The following STXBP5L variants were observed in gnomAD, a reference collection of about 807,000 sequenced individuals.
STXBP5L encodes the protein syntaxin binding protein 5L, also known as syntaxin-binding protein 5-like.
Under a neutral mutation model 144.5 loss-of-function variants are expected in STXBP5L, and 65 were observed. That is an observed-to-expected ratio of 0.45 (90% CI 0.37 to 0.55). The LOEUF (loss-of-function observed/expected upper bound fraction) is 0.55. Ranked by LOEUF, STXBP5L falls within the 20% of genes least tolerant of loss-of-function variation. STXBP5L has a pLI of 0.00. For synonymous variants in STXBP5L, 505 were observed against 469.6 expected (o/e 1.08, Z -0.97); for missense variants, 1,298 against 1,405.5 (o/e 0.92, Z 1.22).
intron 7 of STXBP5L, among the ~76,000 whole-genome samples, chr3:121,131,960 C>T (rs913957713): frequency 1.3e-5 from 2 of 152,178 alleles, no homozygotes; most frequent in Non-Finnish European, 2.9e-5. Context: ...AAACCTTGCT[C>T]CTGGTGCAGT....
chr3:121,041,818 C>A, intron 4 of STXBP5L, 37 bp downstream of exon 4: 1 of 1,321,868 alleles, frequency 7.6e-7, no homozygotes, highest in East Asian at 2.3e-5. Flanking sequence ...ATCACACACT[C>A]CCCCACTACA....
intron 20 of STXBP5L, among the ~76,000 whole-genome samples, chr3:121,318,995 A>G (rs2043880607): frequency 6.6e-6 from 1 of 152,188 alleles, no homozygotes. Context: ...AGAATATGAT[A>G]TGAAGCAAAA....
intron 7 of STXBP5L, among the ~76,000 whole-genome samples, chr3:121,141,608 G>A (rs544651594): frequency 6.6e-6 from 1 of 152,112 alleles, no homozygotes; most frequent in Non-Finnish European, 1.5e-5. Flanking sequence ...ATAAGTAGAT[G>A]AAAATTGTGA....
intron 4 of STXBP5L, among the ~76,000 whole-genome samples, chr3:121,043,217 C>G (rs940617116): frequency 2.0e-5 from 3 of 152,090 alleles, no homozygotes; most frequent in African/African-American, 7.2e-5. Flanking sequence ...TCTGACCTGA[C>G]TGGTTTTTCT....
chr3:120,977,735 G>A (rs993062509), intron 3 of STXBP5L, among the ~76,000 whole-genome samples: 104 of 152,238 alleles, frequency 6.8e-4, no homozygotes, highest in Admixed American at 2.6e-3. Flanking sequence ...TTTAGGGCAG[G>A]CCTGGTGGTG....
chr3:121,212,434 C>T (rs2048612795), intron 10 of STXBP5L, among the ~76,000 whole-genome samples: 2 of 152,106 alleles, frequency 1.3e-5, no homozygotes, highest in African/African-American at 4.8e-5. Context: ...TTGCATATGG[C>T]TAACCAGTTT....
intron 7 of STXBP5L, among the ~76,000 whole-genome samples, chr3:121,131,324 G>A (rs1009799557): frequency 2.0e-5 from 3 of 152,100 alleles, no homozygotes; most frequent in African/African-American, 7.2e-5. Context: ...TATTAACAGT[G>A]ATACCAATGG....
chr3:121,099,835 A>C (rs768554665), intron 5 of STXBP5L: 3 of 152,188 alleles, frequency 2.0e-5, no homozygotes, highest in African/African-American at 4.8e-5. Context: ...AGCAAGACTC[A>C]TCTCTCTGCT....
intron 4 of STXBP5L, 94 bp downstream of exon 4, chr3:121,041,875 C>T: frequency 1.2e-6 from 1 of 805,750 alleles, no homozygotes; most frequent in Non-Finnish European, 2.1e-6. Flanking sequence ...ATTCTAAATG[C>T]TTAAATATAT....
At chr3:121,030,152 A>G (rs1425087597) in intron 3 of STXBP5L, among the ~76,000 whole-genome samples, 1 of 152,224 alleles carries the variant, frequency 6.6e-6, no homozygotes, top group Non-Finnish European at 1.5e-5. Flanking sequence ...CAGAAATACT[A>G]TATGACTCAG....
intron 20 of STXBP5L, chr3:121,324,631 C>G (rs1382057649): frequency 3.1e-6 from 2 of 644,424 alleles, no homozygotes; most frequent in African/African-American, 3.7e-5. Context: ...TTATTCATAT[C>G]TTCACAATTT....
chr3:120,969,333 G>T (rs1263092582), intron 3 of STXBP5L, among the ~76,000 whole-genome samples: 10 of 148,646 alleles, frequency 6.7e-5, no homozygotes, highest in Admixed American at 6.7e-4. Flanking sequence ...TTGGTTGGTT[G>T]TGTATCTTTT....
intron 20 of STXBP5L, among the ~76,000 whole-genome samples, chr3:121,356,598 C>T (rs539395008): frequency 6.6e-6 from 1 of 152,316 alleles, no homozygotes; most frequent in Admixed American, 6.5e-5. Context: ...CAGTCTGTCA[C>T]AGCTTCCCTT....
intron 20 of STXBP5L, among the ~76,000 whole-genome samples, chr3:121,345,399 A>G (rs2044918037): frequency 6.6e-6 from 1 of 152,116 alleles, no homozygotes; most frequent in African/African-American, 2.4e-5. Flanking sequence ...TTCTTAATTC[A>G]GCCTATCATC....
intron 9 of STXBP5L, among the ~76,000 whole-genome samples, chr3:121,185,642 G>C (rs956419300): frequency 1.3e-5 from 2 of 152,094 alleles, no homozygotes; most frequent in African/African-American, 4.8e-5. Context: ...GCTCTGTTCT[G>C]TTCCATTGGT....
intron 22 of STXBP5L, among the ~76,000 whole-genome samples, chr3:121,392,092 C>T (rs1436862579): frequency 2.0e-5 from 3 of 152,188 alleles, no homozygotes; most frequent in African/African-American, 2.4e-5. Flanking sequence ...TGTTTACCTA[C>T]TCAAGCCTCA....
At chr3:121,151,846 C>G (rs1459158471) in intron 7 of STXBP5L, among the ~76,000 whole-genome samples, 2 of 151,820 alleles carry the variant, frequency 1.3e-5, no homozygotes, top group Non-Finnish European at 2.9e-5. Context: ...CATTGTTTAG[C>G]TTAATGACTG....
At chr3:121,312,626 C>T (rs2108514766) in intron 19 of STXBP5L, among the ~76,000 whole-genome samples, 1 of 151,054 alleles carries the variant, frequency 6.6e-6, no homozygotes, top group African/African-American at 2.4e-5. Context: ...GTGTTTGTGT[C>T]CCTGGGTACT....
At chr3:121,127,698 C>G (rs993894611) in intron 7 of STXBP5L, among the ~76,000 whole-genome samples, 8 of 151,854 alleles carry the variant, frequency 5.3e-5, no homozygotes, top group African/African-American at 1.9e-4. Context: ...AAGTCACATT[C>G]TGAGGTTCTG....
Sources: allele counts gnomAD v4.1 joint callset (sites outside exome capture counted in the v4.1 genomes callset), GRCh38; gene constraint gnomAD v4.1.1; transcripts MANE v1.5; gene names NCBI Gene and HGNC (gene_info 2026-07-23, HGNC 2026-07-21).